TXNRD1: variants seen among roughly 807,000 people sequenced by gnomAD.
TXNRD1 encodes thioredoxin reductase 1, cytoplasmic.
Under a neutral mutation model 80.3 loss-of-function variants are expected in TXNRD1, and 57 were observed. The ratio of observed to expected loss-of-function variants is 0.71; its 90% CI spans 0.57 to 0.89. The LOEUF (loss-of-function observed/expected upper bound fraction) is 0.89. TXNRD1 is among the 40% of genes least tolerant of loss of function. The pLI is 0.00. For missense variants in TXNRD1, 730 were observed against 803.0 expected, an observed-to-expected ratio of 0.91 and a Z score of 1.10; for synonymous variants, 291 against 285.2, an observed-to-expected ratio of 1.02 and a Z score of -0.20.
intron 3 of TXNRD1, among the ~76,000 whole-genome samples, chr12:104,264,105 C>T (rs995205476): frequency 2.6e-5 from 4 of 152,194 alleles, no homozygotes; most frequent in Non-Finnish European, 4.4e-5. Context: ...TTGATACTTA[C>T]TCATTCAACA....
intron 1 of TXNRD1, among the ~76,000 whole-genome samples, chr12:104,227,158 G>A (rs1370793878): frequency 6.6e-6 from 1 of 152,118 alleles, no homozygotes; most frequent in Non-Finnish European, 1.5e-5. Flanking sequence ...AACAACTGCT[G>A]AGTAACAAAT....
intron 16 of TXNRD1, 106 bp from the exon 17 acceptor site, chr12:104,348,247 G>A (rs1351189424): frequency 3.3e-6 from 3 of 900,496 alleles, no homozygotes; most frequent in African/African-American, 1.7e-5. Flanking sequence ...ATTCATTTTG[G>A]TAGTCGCCTA....
At chr12:104,272,335 G>T (rs1280603310) in intron 3 of TXNRD1, among the ~76,000 whole-genome samples, 1 of 152,166 alleles carries the variant, frequency 6.6e-6, no homozygotes, top group Non-Finnish European at 1.5e-5. Context: ...GAGGGACAGG[G>T]TGAGTGGTTT....
intron 1 of TXNRD1, among the ~76,000 whole-genome samples, chr12:104,245,143 G>T (rs907523376): frequency 2.0e-5 from 3 of 152,220 alleles, no homozygotes; most frequent in Middle Eastern, 3.4e-3. Context: ...CTAAGAGAAG[G>T]CTAGGAGGTA....
chr12:104,341,128 C>T (rs1458507730), intron 16 of TXNRD1, among the ~76,000 whole-genome samples: 1 of 152,070 alleles, frequency 6.6e-6, no homozygotes, highest in Non-Finnish European at 1.5e-5. Flanking sequence ...GGACACAGGA[C>T]GTCTCCTGAA....
chr12:104,236,350 G>A (rs2032736729), intron 1 of TXNRD1, among the ~76,000 whole-genome samples: 1 of 152,138 alleles, frequency 6.6e-6, no homozygotes, highest in Non-Finnish European at 1.5e-5. Context: ...TTGTACACTT[G>A]CATTAAGTCA....
chr12:104,346,847 C>T (rs1282251212), intron 16 of TXNRD1, among the ~76,000 whole-genome samples: 2 of 152,140 alleles, frequency 1.3e-5, no homozygotes, highest in African/African-American at 4.8e-5. Context: ...GTAATCTAAG[C>T]ACTTTGGGAG....
At chr12:104,328,569 A>T (rs1328907928) in intron 13 of TXNRD1, among the ~76,000 whole-genome samples, 2 of 152,156 alleles carry the variant, frequency 1.3e-5, no homozygotes, top group African/African-American at 2.4e-5. Context: ...ATTCTGGCTA[A>T]CATGGTGAAA....
chr12:104,329,904 GAGC>G (rs2035892099), intron 13 of TXNRD1, among the ~76,000 whole-genome samples: 1 of 152,128 alleles, frequency 6.6e-6, no homozygotes, highest in Non-Finnish European at 1.5e-5. Context: ...CAGTAAGCTG[GAGC>G]AGTCACAGGA....
chr12:104,308,779 TG>T (rs1214851794), intron 4 of TXNRD1, among the ~76,000 whole-genome samples: 4 of 152,192 alleles, frequency 2.6e-5, no homozygotes, highest in African/African-American at 4.8e-5. Context: ...TTCTACTGTT[TG>T]GGGCAGCTGT....
rs575227878 is a variant in TXNRD1, at chr12:104,273,921, G to C, written c.305-15010G>C. 3.3e-5 allele frequency among the ~76,000 whole-genome samples: 5 copies of C among 152,110 alleles called. No homozygotes were observed. The South Asian group carries it at 1.0e-3, about 32-fold the overall frequency. On this transcript the variant is annotated intron_variant, in intron 3 of 16. Transcript: ENST00000525566. ...AAAATGTAGCCAGGCGTGGTGGCGG[G>C]CACCTGTAGTCCCAGCTACTTGGGA... is the stretch of plus-strand genomic sequence containing the variant.
chr12:104,285,441 A>G (rs1182002246), intron 3 of TXNRD1, among the ~76,000 whole-genome samples: 1 of 152,218 alleles, frequency 6.6e-6, no homozygotes, highest in Non-Finnish European at 1.5e-5. Context: ...TAATTTGCTC[A>G]CTTAGGAACA....
At chr12:104,249,221 G>A (rs1034143139) in intron 1 of TXNRD1, among the ~76,000 whole-genome samples, 49 of 152,192 alleles carry the variant, frequency 3.2e-4, no homozygotes, top group African/African-American at 1.1e-3. Flanking sequence ...TTCTTGCTGT[G>A]TCCTCACATG....
At chr12:104,281,551 C>G (rs971908865) in intron 3 of TXNRD1, among the ~76,000 whole-genome samples, 2 of 151,790 alleles carry the variant, frequency 1.3e-5, no homozygotes, top group African/African-American at 4.8e-5. Flanking sequence ...GGACTACAGG[C>G]GCCTGCTACC....
intron 6 of TXNRD1, among the ~76,000 whole-genome samples, chr12:104,314,038 T>G (rs35154351): frequency 1.8e-4 from 28 of 152,302 alleles, no homozygotes; most frequent in African/African-American, 6.5e-4. Flanking sequence ...TCCAGGCAGC[T>G]TCTCTTTCTT....
At chr12:104,236,676 C>T (rs754663845) in intron 1 of TXNRD1, among the ~76,000 whole-genome samples, 3 of 151,314 alleles carry the variant, frequency 2.0e-5, no homozygotes, top group African/African-American at 7.3e-5. Flanking sequence ...GTAATCCCAG[C>T]TACTTGGGAG....
intron 3 of TXNRD1, among the ~76,000 whole-genome samples, chr12:104,266,378 T>C (rs927420174): frequency 1.1e-4 from 16 of 150,458 alleles, no homozygotes; most frequent in Non-Finnish European, 1.8e-4. Context: ...ATACAAAAAT[T>C]AGCTGGGCAT....
At chr12:104,226,382 A>G (rs1245266697) in intron 1 of TXNRD1, among the ~76,000 whole-genome samples, 2 of 152,188 alleles carry the variant, frequency 1.3e-5, no homozygotes, top group African/African-American at 4.8e-5. Flanking sequence ...GAATACCTTT[A>G]TCACTTCATT....
Position 104,256,833 on chromosome 12 carries a change from T to G in TXNRD1, c.244-1186T>G, listed in dbSNP as rs578175258. On this transcript the variant is annotated intron_variant, in intron 2 of 16. Transcript: ENST00000525566. The stretch of plus-strand genomic sequence containing the variant: ...GAAAAAGAAGACTAATGAGGTTGTA[T>G]GAATGAACATATTTTCCCATTTTAT... 4.6e-5 allele frequency among the ~76,000 whole-genome samples: 7 copies of G among 151,408 alleles called. No individual in the cohort carries two copies. In the South Asian group the frequency reaches 1.3e-3, roughly 27 times the overall value.
Sources: gnomAD v4.1 joint callset for allele counts (sites outside exome capture counted in the v4.1 genomes callset) on GRCh38, gnomAD v4.1.1 for gene constraint, MANE v1.5 for transcripts, NCBI Gene and HGNC (gene_info 2026-07-23, HGNC 2026-07-21) for gene names.